TAFA5: variants seen among roughly 807,000 people sequenced by gnomAD.
The protein encoded by TAFA5 is TAFA chemokine like family member 5.
Under a neutral mutation model 15.3 loss-of-function variants are expected in TAFA5, and 6 were observed. The ratio of observed to expected loss-of-function variants is 0.39; its 90% confidence interval spans 0.21 to 0.77. TAFA5 has a LOEUF of 0.77. Ranked by LOEUF, TAFA5 falls within the 30% of genes least tolerant of loss-of-function variation. The pLI is 0.41. For synonymous variants in TAFA5, 103 were observed against 80.7 expected, an observed-to-expected ratio of 1.28 and a Z score of -1.48; for missense variants, 161 against 193.1, an observed-to-expected ratio of 0.83 and a Z score of 0.98.
intron 1 of TAFA5, among the ~76,000 whole-genome samples, chr22:48,512,791 C>T (rs1921264571): frequency 6.6e-6 from 1 of 150,440 alleles, no homozygotes; most frequent in African/African-American, 2.5e-5. Flanking sequence ...GGGGTGGTGG[C>T]GAGCGCCTTT....
chr22:48,694,357 A>C (rs975907539), intron 2 of TAFA5, among the ~76,000 whole-genome samples: 2 of 152,130 alleles, frequency 1.3e-5, no homozygotes, highest in African/African-American at 4.8e-5. Flanking sequence ...TGTGTGGCAT[A>C]GCCCCAGGGA....
chr22:48,550,278 G>A lies in TAFA5; in HGVS notation c.112+60574G>A, dbSNP rs1196386863. ...GCGCATCTGGCCGGGATAAGGTGTA[G>A]GCCTGGGAGAACAGGGTCAGTGCAG... On this transcript the variant is annotated intron_variant, in intron 1 of 3. Coordinates refer to ENST00000402357, the MANE Select transcript of TAFA5 (RefSeq NM_001082967.3). This position sits in a 1 kb window ranked among gnomAD's most constrained non-coding sequence, Gnocchi z 4.1. Among the ~76,000 whole-genome samples the A allele has an allele frequency of 6.6e-6, 1 of 152,242 alleles. No homozygotes were observed. The highest frequency in any genetic ancestry group is 2.4e-5 in the African/African-American group (1 of 41,460).
chr22:48,565,189 G>A (rs1923369724), intron 1 of TAFA5, among the ~76,000 whole-genome samples: 1 of 152,222 alleles, frequency 6.6e-6, no homozygotes, highest in South Asian at 2.1e-4. Context: ...GCAGGCCCAG[G>A]GAACAGGCAA....
In TAFA5 at chr22:48,649,343, C is replaced by G. The variant is rs114075170; in HGVS notation, c.262+2597C>G. ...CTCCGGCCACCAGCCCTGAGGGTTT[C>G]TGGGAAGCTCTTTGGCACTTGGGAG... is the stretch of plus-strand genomic sequence containing the variant. On this transcript the variant is annotated intron_variant, in intron 2 of 3. Coordinates refer to ENST00000402357, the MANE Select transcript of TAFA5 (RefSeq NM_001082967.3). Among the ~76,000 whole-genome samples the G allele has an allele frequency of 5.4e-3, 827 of 152,322 alleles. 6 individuals carry two copies. Among genetic ancestry groups the G allele is most frequent in the African/African-American group, 0.018 (765 of 41,566 alleles).
intron 2 of TAFA5, among the ~76,000 whole-genome samples, chr22:48,698,146 A>T (rs552180180): frequency 2.7e-5 from 4 of 145,726 alleles, no homozygotes; most frequent in African/African-American, 1.0e-4. Context: ...TGATTATGTG[A>T]TGGTGATGAT....
At chr22:48,636,428 A>G (rs757808838) in intron 1 of TAFA5, among the ~76,000 whole-genome samples, 1 of 152,242 alleles carries the variant, frequency 6.6e-6, no homozygotes, top group Non-Finnish European at 1.5e-5. Flanking sequence ...ATACTCCATC[A>G]GATCTTAAAG....
At chr22:48,590,089 C>T (rs1261857061) in intron 1 of TAFA5, among the ~76,000 whole-genome samples, 35 of 152,128 alleles carry the variant, frequency 2.3e-4, no homozygotes, top group Non-Finnish European at 2.9e-5. Flanking sequence ...GATTCGGGTC[C>T]ACCTTGTCTC....
chr22:48,738,363 A>G (rs934706711), intron 3 of TAFA5, among the ~76,000 whole-genome samples: 3 of 152,212 alleles, frequency 2.0e-5, no homozygotes, highest in African/African-American at 7.2e-5. Context: ...CCCCCAGGTC[A>G]GACACAGAAT....
At chr22:48,673,538 G>T (rs1927868529) in intron 2 of TAFA5, among the ~76,000 whole-genome samples, 1 of 152,192 alleles carries the variant, frequency 6.6e-6, no homozygotes, top group Admixed American at 6.5e-5. Context: ...CCAGGAAGAG[G>T]CCGGCCTTCT....
chr22:48,718,585 C>T (rs1364152507), intron 3 of TAFA5, among the ~76,000 whole-genome samples: 1 of 151,998 alleles, frequency 6.6e-6, no homozygotes, highest in Non-Finnish European at 1.5e-5. Context: ...CCCAGAGTAC[C>T]AGAGCATCTC....
chr22:48,555,708 A>G (rs1923012661), intron 1 of TAFA5, among the ~76,000 whole-genome samples: 1 of 152,092 alleles, frequency 6.6e-6, no homozygotes, highest in East Asian at 1.9e-4. Flanking sequence ...GGCCCAGGGA[A>G]GAGGGGACCT....
At chr22:48,504,645 TG>T (rs1920976431) in intron 1 of TAFA5, among the ~76,000 whole-genome samples, 1 of 152,182 alleles carries the variant, frequency 6.6e-6, no homozygotes, top group Admixed American at 6.5e-5. Context: ...GGGGGCTCCC[TG>T]TTTGGGGCTC....
At chr22:48,705,689 G>C (rs1053932066) in intron 2 of TAFA5, among the ~76,000 whole-genome samples, 1 of 152,240 alleles carries the variant, frequency 6.6e-6, no homozygotes, top group Admixed American at 6.5e-5. Context: ...TTGTCCAAGC[G>C]GTGGCCCTCC....
chr22:48,728,988 C>A, intron 3 of TAFA5, among the ~76,000 whole-genome samples: 1 of 152,072 alleles, frequency 6.6e-6, no homozygotes, highest in Non-Finnish European at 1.5e-5. Flanking sequence ...AAATTATTCA[C>A]AAGTGTATGC....
At chr22:48,634,490 GACTCCTTTACTCATTT>G (rs1183369015) in intron 1 of TAFA5, among the ~76,000 whole-genome samples, 1 of 64,476 alleles carries the variant, frequency 1.6e-5, no homozygotes, top group East Asian at 9.9e-4. Flanking sequence ...ATCACTCCTT[GACTCCTTTACTCATTT>G]ACTCATTCAC....
chr22:48,621,431 G>A (rs1925834438), intron 1 of TAFA5, among the ~76,000 whole-genome samples: 1 of 151,996 alleles, frequency 6.6e-6, no homozygotes. Context: ...TATGCCCAGG[G>A]CAGCATGGCA....
At chr22:48,505,727 G>A (rs768459678) in intron 1 of TAFA5, among the ~76,000 whole-genome samples, 30 of 152,116 alleles carry the variant, frequency 2.0e-4, no homozygotes, top group Non-Finnish European at 3.7e-4. Context: ...TCCCCATCCT[G>A]GTGGGCCAGC....
At chr22:48,719,576 G>GC (rs34782713) in intron 3 of TAFA5, among the ~76,000 whole-genome samples, 31 of 152,134 alleles carry the variant, frequency 2.0e-4, no homozygotes, top group African/African-American at 4.6e-4. Flanking sequence ...CCTCAGGACT[G>GC]CCCCCCCTGC....
chr22:48,523,066 T>C (rs1445506996), intron 1 of TAFA5, among the ~76,000 whole-genome samples: 1 of 152,098 alleles, frequency 6.6e-6, no homozygotes, highest in African/African-American at 2.4e-5. Flanking sequence ...CGGTGGAGGA[T>C]GGCCAGGCTG....
Sources: gnomAD v4.1 joint callset for allele counts (sites outside exome capture counted in the v4.1 genomes callset) on GRCh38, gnomAD v4.1.1 for gene constraint, Gnocchi (gnomAD v3.1) non-coding constraint, MANE v1.5 for transcripts, NCBI Gene and HGNC (gene_info 2026-07-23, HGNC 2026-07-21) for gene names.